Variants in PRDM16 observed in about 807,000 individuals in gnomAD.
PRDM16 encodes the protein PR/SET domain 16, also known as histone-lysine N-methyltransferase PRDM16.
A neutral mutation model predicts 110.6 loss-of-function variants in PRDM16; 23 were observed. The ratio of observed to expected loss-of-function variants is 0.21; its 90% CI spans 0.15 to 0.29. The LOEUF (loss-of-function observed/expected upper bound fraction) is 0.29. PRDM16 is among the 10% of genes least tolerant of loss of function. The pLI, the probability that PRDM16 is intolerant of heterozygous loss-of-function variation, is 1.00. For missense variants in PRDM16, 1,615 were observed against 1,794.3 expected, an observed-to-expected ratio of 0.90 and a Z score of 1.81; for synonymous variants, 799 against 781.8, an observed-to-expected ratio of 1.02 and a Z score of -0.37.
At chr1:3,300,587 C>T (rs2455137) in intron 3 of PRDM16, among the ~76,000 whole-genome samples, 68,622 of 150,826 alleles carry the variant, frequency 0.45, 16,871 homozygotes, top group Non-Finnish European at 0.53. Context: ...AGCAATTCTT[C>T]GTTCCCTGGA....
intron 4 of PRDM16, chr1:3,394,380 C>G: frequency 2.3e-6 from 1 of 441,392 alleles, no homozygotes; most frequent in Non-Finnish European, 4.5e-6. Flanking sequence ...AGCCCCCGTC[C>G]GCCCACCCAG....
chr1:3,203,070 G>A (rs1480587463), intron 2 of PRDM16, among the ~76,000 whole-genome samples: 1 of 152,206 alleles, frequency 6.6e-6, no homozygotes, highest in Non-Finnish European at 1.5e-5. Context: ...CGATGAATTT[G>A]CTGTCATGTG....
At chr1:3,268,318 A>G (rs1258889513) in intron 3 of PRDM16, among the ~76,000 whole-genome samples, 1 of 152,258 alleles carries the variant, frequency 6.6e-6, no homozygotes, top group Non-Finnish European at 1.5e-5. Context: ...TAATTAAAAA[A>G]GAAGGCTTAT....
At chr1:3,303,547 G>A (rs1010021660) in intron 3 of PRDM16, among the ~76,000 whole-genome samples, 22 of 152,188 alleles carry the variant, frequency 1.4e-4, no homozygotes, top group East Asian at 3.8e-4. Flanking sequence ...TGTTTGTGTC[G>A]AGAGACATCT....
At chr1:3,407,845 G>A (rs1364349670) in intron 8 of PRDM16, among the ~76,000 whole-genome samples, 5 of 152,246 alleles carry the variant, frequency 3.3e-5, no homozygotes, top group East Asian at 3.8e-4. Context: ...CCGCCTCGGC[G>A]ACTCTTGCGC....
At chr1:3,306,702 G>A (rs1284570375) in intron 3 of PRDM16, 1 of 152,188 alleles carries the variant, frequency 6.6e-6, no homozygotes, top group East Asian at 1.9e-4. Context: ...CGCAAACAAT[G>A]CACCCCATTA....
At chr1:3,107,463 TA>T (rs1642684327) in intron 1 of PRDM16, among the ~76,000 whole-genome samples, 1 of 152,188 alleles carries the variant, frequency 6.6e-6, no homozygotes. Flanking sequence ...TCTGCACAAC[TA>T]ATTCTAATGT....
At chr1:3,280,700 G>C (rs1302014981) in intron 3 of PRDM16, among the ~76,000 whole-genome samples, 1 of 152,210 alleles carries the variant, frequency 6.6e-6, no homozygotes, top group African/African-American at 2.4e-5. Flanking sequence ...CTGTTGCTTA[G>C]CTTTGAAAAC....
chr1:3,343,930 C>T (rs184018223), intron 3 of PRDM16, among the ~76,000 whole-genome samples: 24 of 152,262 alleles, frequency 1.6e-4, no homozygotes, highest in East Asian at 1.5e-3. Context: ...TGTGAGCCAC[C>T]GCTCCCAGCC....
chr1:3,357,320 T>A lies in PRDM16; in HGVS notation c.439-27832T>A, dbSNP rs1427204925. 3.3e-5 allele frequency among the ~76,000 whole-genome samples: 5 copies of A among 152,170 alleles called. No homozygotes were observed. In the South Asian group the frequency reaches 1.0e-3, roughly 32 times the overall value. On this transcript the variant is annotated intron_variant, in intron 3 of 16. Transcript: ENST00000270722. ...TGCATTCCTGCTCTTCATGGCTGGA[T>A]ACACCTAGTGGCCTCTTGTTAAATG...
intron 12 of PRDM16, among the ~76,000 whole-genome samples, chr1:3,423,466 G>A (rs1293555035): frequency 6.6e-6 from 1 of 152,118 alleles, no homozygotes; most frequent in Non-Finnish European, 1.5e-5. Context: ...ACCAGCCCAG[G>A]CCCCTCCTGT....
intron 3 of PRDM16, among the ~76,000 whole-genome samples, chr1:3,293,395 GATA>G (rs1292735296): frequency 5.9e-5 from 9 of 152,188 alleles, no homozygotes; most frequent in African/African-American, 1.9e-4. Flanking sequence ...CGGCTTTGAT[GATA>G]ATATGTGGGT....
At chr1:3,094,133 C>A (rs1010858311) in intron 1 of PRDM16, among the ~76,000 whole-genome samples, 1 of 152,148 alleles carries the variant, frequency 6.6e-6, no homozygotes, top group African/African-American at 2.4e-5. Context: ...GTGTGCAGGG[C>A]AAGAGGCGGG....
intron 1 of PRDM16, among the ~76,000 whole-genome samples, chr1:3,071,130 A>G (rs1052170827): frequency 6.6e-6 from 1 of 152,208 alleles, no homozygotes. Context: ...CTCGCCCAGG[A>G]TGGGCCCTAA....
At chr1:3,135,134 A>G (rs920269126) in intron 1 of PRDM16, among the ~76,000 whole-genome samples, 2 of 152,090 alleles carry the variant, frequency 1.3e-5, no homozygotes, top group African/African-American at 4.8e-5. Flanking sequence ...GCTGCGGAGC[A>G]CCCCAGGAAA....
intron 1 of PRDM16, among the ~76,000 whole-genome samples, chr1:3,154,354 C>T (rs953070204): frequency 2.0e-5 from 3 of 152,156 alleles, no homozygotes; most frequent in Admixed American, 1.3e-4. Context: ...TTACAGGAGG[C>T]GACGGAGCTG....
At chr1:3,220,142 G>A (rs756784126) in intron 2 of PRDM16, among the ~76,000 whole-genome samples, 1 of 152,126 alleles carries the variant, frequency 6.6e-6, no homozygotes, top group African/African-American at 2.4e-5. Flanking sequence ...GTGCCCACAC[G>A]CGCCGGGAGG....
At chr1:3,257,806 C>T (rs934220801) in intron 3 of PRDM16, among the ~76,000 whole-genome samples, 2 of 152,180 alleles carry the variant, frequency 1.3e-5, no homozygotes, top group South Asian at 2.1e-4. Context: ...CCCGCACAGT[C>T]GGAGGGCTGA....
At chr1:3,419,841 T>C (rs1191301119) in intron 12 of PRDM16, among the ~76,000 whole-genome samples, 1 of 151,964 alleles carries the variant, frequency 6.6e-6, no homozygotes, top group East Asian at 2.0e-4. Flanking sequence ...CAGGGCTGTG[T>C]CCCAACTCGC....
Sources: gnomAD v4.1 joint callset for allele counts (sites outside exome capture counted in the v4.1 genomes callset) on GRCh38, gnomAD v4.1.1 for gene constraint, MANE v1.5 for transcripts, NCBI Gene and HGNC (gene_info 2026-07-23, HGNC 2026-07-21) for gene names.